The following TRPC5 variants were observed in gnomAD, a reference collection of about 807,000 sequenced individuals.
The protein encoded by TRPC5 is transient receptor potential cation channel subfamily C member 5.
TRPC5 carries 9 observed loss-of-function variants against 56.5 expected under a neutral mutation model. That is an observed-to-expected ratio of 0.16 (90% CI 0.10 to 0.28). TRPC5 has a LOEUF of 0.28. Among genes scored for constraint, TRPC5 ranks in the 10% least tolerant of loss-of-function variants. TRPC5 has a pLI of 1.00. For synonymous variants in TRPC5, 282 were observed against 278.5 expected (o/e 1.01, Z -0.13); for missense variants, 469 against 748.9 (o/e 0.63, Z 4.36).
intron 1 of TRPC5, among the ~76,000 whole-genome samples, chrX:112,061,817 C>A: frequency 9.0e-6 from 1 of 111,581 alleles, no homozygotes; most frequent in Admixed American, 9.5e-5. Flanking sequence ...TCTTCTGGTG[C>A]TGGCTACCTC....
At chrX:112,043,290 T>C (rs894089543) in intron 1 of TRPC5, among the ~76,000 whole-genome samples, 3 of 112,004 alleles carry the variant, frequency 2.7e-5, no homozygotes, top group Non-Finnish European at 5.6e-5. Context: ...CATTTTCGTA[T>C]AAAAAGTACT....
At chrX:111,780,831 A>T (rs966296761) in intron 9 of TRPC5, among the ~76,000 whole-genome samples, 1 of 111,631 alleles carries the variant, frequency 9.0e-6, no homozygotes, top group Non-Finnish European at 1.9e-5. Context: ...TTTTTCTAGT[A>T]TCTAGTGTAG....
chrX:111,902,373 G>C, intron 3 of TRPC5: 1 of 322,741 alleles, frequency 3.1e-6, no homozygotes, highest in Non-Finnish European at 5.3e-6. Context: ...TTTCATCTTT[G>C]TTGTTATTCA....
At chrX:111,777,576 T>C (rs760861295) in intron 10 of TRPC5, among the ~76,000 whole-genome samples, 5 of 111,235 alleles carry the variant, frequency 4.5e-5, no homozygotes, top group Non-Finnish European at 7.5e-5. Context: ...AACTTGTCAC[T>C]GACTTTAGGA....
chrX:111,900,369 A>G (rs1925278891), intron 3 of TRPC5, among the ~76,000 whole-genome samples: 1 of 111,849 alleles, frequency 8.9e-6, no homozygotes, highest in African/African-American at 3.2e-5. Flanking sequence ...GAAATTTAAC[A>G]TGTAGATATA....
intron 2 of TRPC5, among the ~76,000 whole-genome samples, chrX:111,949,572 G>A (rs1173822217): frequency 2.7e-5 from 3 of 112,013 alleles, no homozygotes; most frequent in Non-Finnish European, 5.6e-5. Flanking sequence ...TATACAAATG[G>A]CCAACAAACA....
intron 7 of TRPC5, among the ~76,000 whole-genome samples, chrX:111,786,354 C>A (rs936939994): frequency 9.0e-6 from 1 of 111,319 alleles, no homozygotes; most frequent in African/African-American, 3.3e-5. Flanking sequence ...CCTTTACAGA[C>A]AAGCAAATGC....
intron 1 of TRPC5, among the ~76,000 whole-genome samples, chrX:112,004,550 A>G (rs1928784087): frequency 8.9e-6 from 1 of 112,149 alleles, no homozygotes; most frequent in Non-Finnish European, 1.9e-5. Flanking sequence ...TTTGCCCAGC[A>G]GCATCACTTG....
intron 1 of TRPC5, among the ~76,000 whole-genome samples, chrX:112,004,834 C>A (rs142515912): frequency 1.8e-5 from 2 of 110,380 alleles, no homozygotes; most frequent in East Asian, 5.7e-4. Context: ...TGGGTAGGGG[C>A]GGCAAAAAAT....
chrX:111,864,652 G>A (rs1923497685), intron 3 of TRPC5, among the ~76,000 whole-genome samples: 1 of 112,094 alleles, frequency 8.9e-6, no homozygotes, highest in Non-Finnish European at 1.9e-5. Context: ...TTGAGCTGGG[G>A]AAAGGAAGAT....
chrX:111,960,641 T>G (rs754749158), intron 1 of TRPC5, among the ~76,000 whole-genome samples: 95 of 111,325 alleles, frequency 8.5e-4, no homozygotes, highest in African/African-American at 2.8e-3. Flanking sequence ...TCTTGGATTG[T>G]CTTTAATCCC....
intron 2 of TRPC5, among the ~76,000 whole-genome samples, chrX:111,924,207 T>A (rs1293318831): frequency 9.0e-6 from 1 of 111,717 alleles, no homozygotes; most frequent in Non-Finnish European, 1.9e-5. Context: ...TAGGACTCAA[T>A]ATAAATAAAC....
intron 9 of TRPC5, among the ~76,000 whole-genome samples, 188 bp downstream of exon 9, chrX:111,780,977 G>C (rs1270287491): frequency 1.8e-5 from 2 of 111,414 alleles, no homozygotes; most frequent in Non-Finnish European, 3.8e-5. Context: ...TAAGGGCCAT[G>C]AACAGGATTA....
intron 3 of TRPC5, chrX:111,901,639 T>C: frequency 3.1e-6 from 1 of 324,060 alleles, no homozygotes; most frequent in Non-Finnish European, 5.3e-6. Context: ...ACATAAATTC[T>C]GTGCGCGGTT....
Position 111,773,816 on chromosome X carries a change from CAG to C in TRPC5, c.*2495_*2496del, listed in dbSNP as rs1945858288. Among the ~76,000 whole-genome samples, 1 of 111,424 alleles carries C rather than the reference CAG, an allele frequency of 9.0e-6. No individual in the cohort carries two copies. Among genetic ancestry groups the C allele is most frequent in the Admixed American group, 9.5e-5 (1 of 10,475 alleles). ...AGTTGGCTTATAACTCCTCTGGGGT[CAG>C]AGGATATACCTAAGCATTTTCACTT... On this transcript the variant is annotated 3_prime_UTR_variant, in exon 11 of 11. Transcript: ENST00000262839.
chrX:111,861,973 C>A (rs190100794), intron 3 of TRPC5, among the ~76,000 whole-genome samples: 14 of 111,310 alleles, frequency 1.3e-4, no homozygotes, highest in Non-Finnish European at 1.9e-4. Flanking sequence ...CTGGTGGGAA[C>A]TGAGATTTTC....
intron 7 of TRPC5, among the ~76,000 whole-genome samples, chrX:111,831,179 AGGTCTGG>A (rs1922396665): frequency 8.9e-6 from 1 of 112,168 alleles, no homozygotes; most frequent in East Asian, 2.8e-4. Context: ...GATTGTCGGG[AGGTCTGG>A]GTATGTCATA....
intron 7 of TRPC5, among the ~76,000 whole-genome samples, chrX:111,822,426 A>G (rs1410847510): frequency 1.8e-5 from 2 of 112,232 alleles, no homozygotes; most frequent in Non-Finnish European, 3.8e-5. Context: ...GCTAAACTTT[A>G]TGTATGTTTG....
intron 3 of TRPC5, among the ~76,000 whole-genome samples, chrX:111,880,368 T>A (rs1016199122): frequency 4.4e-5 from 5 of 112,638 alleles, no homozygotes; most frequent in Admixed American, 9.4e-5. Context: ...AATGAATGTG[T>A]TAACTTTCTA....
Sources: gnomAD v4.1 joint callset for allele counts (sites outside exome capture counted in the v4.1 genomes callset) on GRCh38, gnomAD v4.1.1 for gene constraint, MANE v1.5 for transcripts, NCBI Gene and HGNC (gene_info 2026-07-23, HGNC 2026-07-21) for gene names.